Variants in GEMIN4 observed in about 807,000 individuals in gnomAD.
GEMIN4 encodes gem-associated protein 4.
In GEMIN4, 59 loss-of-function variants were observed where a neutral mutation model predicts 76.8. The observed-to-expected ratio is 0.77, with a 90% CI of 0.62 to 0.95. The LOEUF (loss-of-function observed/expected upper bound fraction) is 0.95, where lower values mean the gene tolerates loss of function less well. Among genes scored for constraint, GEMIN4 ranks in the 40% least tolerant of loss-of-function variants. The pLI is 0.00. For missense variants in GEMIN4, 1,311 were observed against 1,318.9 expected (o/e 0.99, Z 0.09); for synonymous variants, 562 against 559.7 (o/e 1.00, Z -0.06).
Position 747,306 on chromosome 17 carries a change from A to G in GEMIN4, c.737T>C (p.Met246Thr). 9.3e-6 allele frequency: 15 copies of G among 1,613,788 alleles called. No individual in the cohort carries two copies. The highest frequency in any genetic ancestry group is 1.3e-5 in the Non-Finnish European group (15 of 1,179,870). The change falls in exon 2 of 2, where the codon ATG (methionine) becomes ACG (threonine). Residue 246 changes from methionine to threonine, a missense_variant. Physicochemically the swap from Met to Thr is moderately conservative, Grantham distance 81. Coordinates refer to ENST00000319004, the MANE Select transcript of GEMIN4 (RefSeq NM_015721.3). ...CTCTGTCAGCGCAAACACAGTCAGC[A>G]TGTCAGCCAGGTTGGCCAGCGCACA... ...KCCALANLAD[M>T]LTVFALTEDD...
chr17:747,225 A>G lies in GEMIN4; in HGVS notation c.818T>C (p.Ile273Thr). The G allele has an allele frequency of 6.2e-7, 1 of 1,613,758 alleles. No individual in the cohort carries two copies. The highest frequency in any genetic ancestry group is 1.3e-5 in the African/African-American group (1 of 75,002). ...TVYLDKLATV[I>T]SVWNSDTQNP... ...CTGGGTGTCCGAGTTCCACACAGAG[A>G]TCACCGTGGCCAGTTTGTCCAGATA... Residue 273 changes from isoleucine (I) to threonine (T), a missense_variant, in exon 2 of 2, where the codon ATC becomes ACC. By Grantham distance (89) the Ile-to-Thr change is moderately conservative (BLOSUM62 -1). This residue lies in a region of GEMIN4 where 1,208 missense variants were observed against 1,166.9 expected (regional missense o/e 1.04). Transcript: ENST00000319004.
upstream of GEMIN4, chr17:753,906 C>G (rs1225749903): frequency 6.6e-6 from 1 of 152,252 alleles, no homozygotes; most frequent in Non-Finnish European, 1.5e-5. Context: ...GGACTCTGTC[C>G]TCCTAAACAC....
In GEMIN4 at chr17:745,191, A is replaced by G; in HGVS notation, c.2852T>C (p.Leu951Pro). The G allele has an allele frequency of 6.2e-7, 1 of 1,607,292 alleles. No homozygotes were observed. The highest frequency in any genetic ancestry group is 8.5e-7 in the Non-Finnish European group (1 of 1,177,244). The change falls in exon 2 of 2, where the codon CTG becomes CCG. Residue 951 changes from leucine to proline, a missense_variant. Physicochemically the swap from Leu to Pro is moderately conservative, Grantham distance 98 (BLOSUM62 -3). Around this residue, in one of 2 missense-constraint regions of GEMIN4, gnomAD observed 1,208 missense variants for 1,166.9 expected, o/e 1.04. Transcript: ENST00000319004. The surrounding 1 kb of genome is among the most constrained non-coding windows in gnomAD (Gnocchi z 4.6). ...TGCCTGTATCGCCCTGACTGAGTCC[A>G]GGAGGCGGGTCAGACTGCCACAGAG... is the stretch of plus-strand genomic sequence containing the variant. ...KLLCGSLTRL[L>P]DSVRAIQAAG...
chr17:752,043 G>T, intron 1 of GEMIN4, 90 bp downstream of exon 1: 1 of 903,266 alleles, frequency 1.1e-6, no homozygotes, highest in South Asian at 5.6e-5. Flanking sequence ...CCGCGCGAGC[G>T]TGCGCGACAG....
rs1464511564 is a variant in GEMIN4, at chr17:747,203, G to A, written c.840C>T (p.Thr280=). Residue 280 remains threonine, a synonymous_variant, in exon 2 of 2, where the codon ACC becomes ACT. Coordinates refer to ENST00000319004, the MANE Select transcript of GEMIN4 (RefSeq NM_015721.3). ...ATVISVWNSD[T]QNPYHQQALA... The stretch of plus-strand genomic sequence containing the variant: ...GCGCCTGCTGGTGGTAGGGATTCTG[G>A]GTGTCCGAGTTCCACACAGAGATCA... 1.2e-6 allele frequency: 2 copies of A among 1,613,538 alleles called. No individual in the cohort carries two copies. Among genetic ancestry groups the A allele is most frequent in the East Asian group, 2.2e-5 (1 of 44,860 alleles).
In GEMIN4 at chr17:751,928, C is replaced by T. The variant is rs561040075; in HGVS notation, c.10+205G>A. On this transcript the variant is annotated intron_variant, in intron 1 of 1. Coordinates refer to ENST00000319004, the MANE Select transcript of GEMIN4 (RefSeq NM_015721.3). ...GTTTTCAAGCGCAGGGGGCCGGAGG[C>T]GGCAAGACGCGGCCCAACGCGCGGC... 3 of 386,100 alleles carry T rather than the reference C, an allele frequency of 7.8e-6. No homozygotes were observed. The East Asian group carries it at 1.1e-4, about 14-fold the overall frequency. 23.9% of individuals were successfully genotyped at this position (386,100 alleles called of 1,614,324 possible).
intron 1 of GEMIN4, chr17:751,665 T>A (rs1247450059): frequency 1.3e-5 from 2 of 157,920 alleles, no homozygotes; most frequent in African/African-American, 4.8e-5. Context: ...GCGATCTCAA[T>A]GCAAAGTCGC....
intron 1 of GEMIN4, among the ~76,000 whole-genome samples, chr17:750,355 C>A (rs940015163): frequency 6.6e-6 from 1 of 152,140 alleles, no homozygotes; most frequent in East Asian, 1.9e-4. Context: ...CTCCTGACCC[C>A]ATCTCCCCGG....
At chr17:748,881 C>T (rs1295229591) in intron 1 of GEMIN4, 9 of 176,430 alleles carry the variant, frequency 5.1e-5, no homozygotes, top group Non-Finnish European at 7.9e-5. Flanking sequence ...AGCAATCACA[C>T]GGCTACAGGA....
At chr17:752,002 G>T in intron 1 of GEMIN4, 131 bp downstream of exon 1, 1 of 622,538 alleles carries the variant, frequency 1.6e-6, no homozygotes. Context: ...CCCTAGACCC[G>T]CCCCGACGCG....
In GEMIN4 at chr17:749,584, G is replaced by A. The variant is rs1004038051; in HGVS notation, c.11-1552C>T. On this transcript the variant is annotated intron_variant, in intron 1 of 1. Coordinates refer to ENST00000319004, the MANE Select transcript of GEMIN4 (RefSeq NM_015721.3). The stretch of plus-strand genomic sequence containing the variant: ...TAATGGGCACAGCAGCAATCACACG[G>A]CTACAGGGTAATGGGCACAGAGCGA... Among the ~76,000 whole-genome samples the A allele has an allele frequency of 3.4e-5, 5 of 148,312 alleles. No homozygotes were observed. The Admixed American group carries it at 3.4e-4, about 10-fold the overall frequency.
chr17:752,085 TG>T, intron 1 of GEMIN4, 47 bp downstream of exon 1: 1 of 1,193,264 alleles, frequency 8.4e-7, no homozygotes, highest in Non-Finnish European at 1.1e-6. Flanking sequence ...ACCGCTCTGG[TG>T]GCGCATTGCT....
chr17:747,418 C>T lies in GEMIN4; in HGVS notation c.625G>A (p.Ala209Thr), dbSNP rs574847303. The change falls in exon 2 of 2, where the codon GCG becomes ACG. Residue 209 changes from alanine to threonine, a missense_variant. Ala to Thr is a moderately conservative substitution (Grantham distance 58). Transcript: ENST00000319004. The stretch of plus-strand genomic sequence containing the variant: ...GCCAACAGGGGCATGGTGGGGCACG[C>T]GTCTGGGTCTGACCTAAGCCTCTTT... ...PPKRLRSDPD[A>T]CPTMPLLAML... 6.1e-5 allele frequency: 99 copies of T among 1,613,812 alleles called. No homozygotes were observed. Among genetic ancestry groups the T allele is most frequent in the South Asian group, 4.9e-4 (45 of 91,072 alleles).
At chr17:752,103 A>T in intron 1 of GEMIN4, 30 bp downstream of exon 1, 1 of 1,230,356 alleles carries the variant, frequency 8.1e-7, no homozygotes, top group Non-Finnish European at 1.0e-6. Context: ...TGCTGGACGC[A>T]GCCCGGGGCC....
rs201006353 is a variant in GEMIN4 at position 745,903 on chromosome 17, G to A, written c.2140C>T (p.Leu714Phe). The change falls in exon 2 of 2, where the codon CTT becomes TTT. Residue 714 changes from leucine to phenylalanine, a missense_variant. Physicochemically the swap from Leu to Phe is conservative, Grantham distance 22 (BLOSUM62 0). Coordinates refer to ENST00000319004, the MANE Select transcript of GEMIN4 (RefSeq NM_015721.3). The surrounding 1 kb of genome is among the most constrained non-coding windows in gnomAD (Gnocchi z 4.6). The part of the protein sequence containing the change: ...LLDRFSKYWQ[L>F]PKEKRCLSLD... ...GAGAGGCACCGCTTCTCCTTGGGAA[G>A]CTGCCAGTATTTGCTGAAGCGGTCC... 5.6e-6 allele frequency: 9 copies of A among 1,613,058 alleles called. No homozygotes were observed. Among genetic ancestry groups the A allele is most frequent in the Non-Finnish European group, 6.8e-6 (8 of 1,179,870 alleles).
In GEMIN4 at chr17:744,731, G is replaced by A. The variant is rs1237265711; in HGVS notation, c.*135C>T. 4.6e-6 allele frequency: 4 copies of A among 868,818 alleles called. No homozygotes were observed. The highest frequency in any genetic ancestry group is 1.7e-5 in the African/African-American group (1 of 59,634). The allele number at this position is 868,818 out of a possible 1,614,324, so 53.8% of individuals were successfully genotyped here. A position where few individuals can be genotyped will look rare whatever the true frequency, so the allele number is the denominator to read the frequency against. ...TTTTTGTGGACAGTTTCACATAACT[G>A]TAAAGTCCAGGCTGCTCGGGTCTGA... On this transcript the variant is annotated 3_prime_UTR_variant, in exon 2 of 2. Coordinates refer to ENST00000319004, the MANE Select transcript of GEMIN4 (RefSeq NM_015721.3).
intron 1 of GEMIN4, 44 bp downstream of exon 1, chr17:752,089 G>C: frequency 8.3e-7 from 1 of 1,202,444 alleles, no homozygotes; most frequent in Non-Finnish European, 1.0e-6. Context: ...CTCTGGTGGC[G>C]CATTGCTGGA....
Position 745,380 on chromosome 17 carries a change from G to A in GEMIN4, c.2663C>T (p.Pro888Leu), listed in dbSNP as rs757785173. 6.2e-7 allele frequency: 1 copy of A among 1,613,190 alleles called. No homozygotes were observed. The highest frequency in any genetic ancestry group is 1.1e-5 in the South Asian group (1 of 91,072). The change falls in exon 2 of 2, where the codon CCT becomes CTT. Residue 888 changes from proline (P) to leucine (L), a missense_variant. By Grantham distance (98) the Pro-to-Leu change is moderately conservative. Coordinates refer to ENST00000319004, the MANE Select transcript of GEMIN4 (RefSeq NM_015721.3). This position sits in a 1 kb window ranked among gnomAD's most constrained non-coding sequence, Gnocchi z 4.6. ...AAACTGAATATATTCCAGGCTATAA[G>A]GGACATGGAGGAGCTGCTTCTCCAG... Reference protein sequence around the residue: ...RLLEKQLLHVPYSLEYIQFVP... With the variant: ...RLLEKQLLHVLYSLEYIQFVP...
chr17:744,972 G>A lies in GEMIN4; in HGVS notation c.3071C>T (p.Ser1024Phe), dbSNP rs1597550143. ...TLSKTNPSVS[S>F]LLQRAHEQRF... ...CTGCTCGTGTGCCCTCTGGAGCAAG[G>A]AGCTGACAGAAGGGTTGGTCTTGCT... The change falls in exon 2 of 2, where the codon TCC (serine) becomes TTC (phenylalanine). Residue 1024 changes from serine to phenylalanine, a missense_variant. Ser to Phe is a radical substitution (Grantham distance 155). Coordinates refer to ENST00000319004, the MANE Select transcript of GEMIN4 (RefSeq NM_015721.3). 5 of 1,613,948 alleles carry A rather than the reference G, an allele frequency of 3.1e-6. No individual in the cohort carries two copies. Among genetic ancestry groups the A allele is most frequent in the Non-Finnish European group, 3.4e-6 (4 of 1,179,890 alleles).
Sources: allele counts gnomAD v4.1 joint callset (sites outside exome capture counted in the v4.1 genomes callset), GRCh38; gene constraint gnomAD v4.1.1; regional missense constraint gnomAD v4.1.1; non-coding constraint Gnocchi (gnomAD v3.1); transcripts MANE v1.5; gene names NCBI Gene and HGNC (gene_info 2026-07-23, HGNC 2026-07-21).